The following AOPEP variants were observed in gnomAD, a reference collection of about 807,000 sequenced individuals.
AOPEP encodes the protein aminopeptidase O (putative), also known as aminopeptidase O.
Under a neutral mutation model 98.1 loss-of-function variants are expected in AOPEP, and 77 were observed. The observed-to-expected ratio is 0.78, with a 90% CI of 0.65 to 0.95. The LOEUF is 0.95. Among genes scored for constraint, AOPEP ranks in the 40% least tolerant of loss-of-function variants. The probability of loss-of-function intolerance (pLI) is 0.00; values close to 1 mark genes in which losing one functional copy is unlikely to be tolerated. For missense variants in AOPEP, 1,024 were observed against 1,024.7 expected (o/e 1.00, Z 0.01); for synonymous variants, 346 against 365.3 (o/e 0.95, Z 0.60).
chr9:94,729,352 T>A (rs1331972200), intron 1 of AOPEP, among the ~76,000 whole-genome samples: 1 of 152,126 alleles, frequency 6.6e-6, no homozygotes, highest in African/African-American at 2.4e-5. Context: ...GGAGGATCCC[T>A]TGAGCCCAGG....
the AOPEP span, chr9:95,100,925 C>T: frequency 8.6e-6 from 2 of 232,990 alleles, no homozygotes; most frequent in African/African-American, 4.4e-5. Flanking sequence ...CCACTGCACC[C>T]AGCCAGGCCA....
At chr9:94,943,283 A>G (rs1300050603) in intron 7 of AOPEP, among the ~76,000 whole-genome samples, 1 of 152,220 alleles carries the variant, frequency 6.6e-6, no homozygotes, top group African/African-American at 2.4e-5. Context: ...AATAAAGACA[A>G]ATGACCCAAT....
intron 5 of AOPEP, among the ~76,000 whole-genome samples, chr9:94,902,782 A>G (rs1331594327): frequency 6.6e-6 from 1 of 150,896 alleles, no homozygotes; most frequent in African/African-American, 2.4e-5. Context: ...TTTGCCGGGC[A>G]CCGTGGCTCA....
At chr9:94,852,128 G>A (rs2043629845) in intron 5 of AOPEP, among the ~76,000 whole-genome samples, 1 of 152,136 alleles carries the variant, frequency 6.6e-6, no homozygotes, top group African/African-American at 2.4e-5. Flanking sequence ...TGCTATGGGA[G>A]ATGCCTTATG....
intron 14 of AOPEP, chr9:95,065,205 A>C (rs910771543): frequency 6.6e-6 from 1 of 152,232 alleles, no homozygotes; most frequent in African/African-American, 2.4e-5. Context: ...TAGATTTATT[A>C]ATATGTAGTG....
At chr9:95,135,422 T>C in the AOPEP span, 176 of 1,614,020 alleles carry the variant, frequency 1.1e-4, no homozygotes, top group Non-Finnish European at 1.5e-4. Context: ...TTCAAAAAGA[T>C]GCAGCATTGC....
At chr9:95,001,341 T>C (rs2061547873) in intron 11 of AOPEP, among the ~76,000 whole-genome samples, 1 of 152,258 alleles carries the variant, frequency 6.6e-6, no homozygotes, top group Admixed American at 6.5e-5. Context: ...AAAAGTTTCT[T>C]AGAACAACTT....
At chr9:95,087,920 G>C (rs1421574856), downstream of AOPEP, among the ~76,000 whole-genome samples, 2 of 152,214 alleles carry the variant, frequency 1.3e-5, no homozygotes, top group East Asian at 1.9e-4. Flanking sequence ...ACAAATTCTG[G>C]CCTGTTTGGG....
chr9:94,983,478 C>G (rs922139765), intron 11 of AOPEP, among the ~76,000 whole-genome samples: 1 of 152,182 alleles, frequency 6.6e-6, no homozygotes, highest in African/African-American at 2.4e-5. Context: ...GCAAACTGGT[C>G]TTTTAGCTCT....
intron 5 of AOPEP, among the ~76,000 whole-genome samples, chr9:94,877,785 A>G (rs1207061552): frequency 6.6e-6 from 1 of 152,204 alleles, no homozygotes; most frequent in Non-Finnish European, 1.5e-5. Context: ...GCTAATTCCC[A>G]GGTCTCAAGT....
intron 5 of AOPEP, among the ~76,000 whole-genome samples, chr9:94,886,114 A>T (rs985589163): frequency 6.6e-6 from 1 of 152,186 alleles, no homozygotes; most frequent in Admixed American, 6.5e-5. Flanking sequence ...TTTGTGGACA[A>T]TGGAGAGGTC....
chr9:95,100,775 T>C, the AOPEP span: 1 of 225,362 alleles, frequency 4.4e-6, no homozygotes, highest in Non-Finnish European at 8.8e-6. Flanking sequence ...GGATTACAGA[T>C]GCATGCCATT....
intron 13 of AOPEP, among the ~76,000 whole-genome samples, chr9:95,008,729 C>A (rs886496870): frequency 3.9e-5 from 6 of 152,200 alleles, no homozygotes; most frequent in Non-Finnish European, 8.8e-5. Flanking sequence ...TCCCACCCAC[C>A]AGAGAATTGT....
intron 2 of AOPEP, among the ~76,000 whole-genome samples, chr9:94,765,439 A>AAAAT (rs1554706555): frequency 8.1e-6 from 1 of 123,820 alleles, no homozygotes; most frequent in Admixed American, 8.6e-5. Context: ...TTCTCTACAA[A>AAAAT]AATAATAATA....
chr9:94,884,741 G>A (rs2047990296), intron 5 of AOPEP, among the ~76,000 whole-genome samples: 1 of 152,100 alleles, frequency 6.6e-6, no homozygotes, highest in Admixed American at 6.5e-5. Flanking sequence ...GCCGGGCGCG[G>A]TGGCTCACGC....
chr9:94,904,858 C>T (rs887687114), intron 5 of AOPEP: 4 of 152,182 alleles, frequency 2.6e-5, no homozygotes, highest in Non-Finnish European at 4.4e-5. Context: ...TATAATACAG[C>T]CCTGTTTAAT....
At chr9:95,101,936 G>A in the AOPEP span, 3 of 1,484,864 alleles carry the variant, frequency 2.0e-6, no homozygotes, top group Non-Finnish European at 2.8e-6. Flanking sequence ...TAACCACCCA[G>A]TCCCTGAAAG....
intron 1 of AOPEP, among the ~76,000 whole-genome samples, chr9:94,740,215 G>C (rs1241515255): frequency 1.3e-5 from 2 of 152,056 alleles, no homozygotes; most frequent in African/African-American, 2.4e-5. Context: ...GAATAATTTT[G>C]GAGGGCTCTA....
chr9:94,738,476 GATAAT>G (rs1317233315), intron 1 of AOPEP, among the ~76,000 whole-genome samples: 12 of 152,270 alleles, frequency 7.9e-5, no homozygotes, highest in African/African-American at 2.4e-4. Flanking sequence ...TAAATGTGTA[GATAAT>G]CCATAGGAAC....
Sources: allele counts gnomAD v4.1 joint callset (sites outside exome capture counted in the v4.1 genomes callset), GRCh38; gene constraint gnomAD v4.1.1; transcripts MANE v1.5; gene names NCBI Gene and HGNC (gene_info 2026-07-23, HGNC 2026-07-21).